Variants in IL1RAPL2 observed in about 807,000 individuals in gnomAD.
The protein encoded by IL1RAPL2 is interleukin 1 receptor accessory protein like 2, also known as X-linked interleukin-1 receptor accessory protein-like 2.
A neutral mutation model predicts 44.1 loss-of-function variants in IL1RAPL2; 3 were observed. The ratio of observed to expected loss-of-function variants is 0.07; its 90% CI spans 0.03 to 0.18. The LOEUF (loss-of-function observed/expected upper bound fraction) is 0.18, where lower values mean the gene tolerates loss of function less well. IL1RAPL2 is among the 10% of genes least tolerant of loss of function. The pLI is 1.00. For missense variants in IL1RAPL2, 391 were observed against 496.4 expected, an observed-to-expected ratio of 0.79 and a Z score of 2.02; for synonymous variants, 181 against 178.8, an observed-to-expected ratio of 1.01 and a Z score of -0.10.
Position 105,195,761 on chromosome X carries a change from T to G in IL1RAPL2, c.356+13T>G. 2 of 1,206,737 alleles carry G rather than the reference T, an allele frequency of 1.7e-6. No homozygotes were observed. Among genetic ancestry groups the G allele is most frequent in the Middle Eastern group, 4.6e-4 (2 of 4,330 alleles). ...CTTGTGTTTTAAGGTGAGTGTTGTG[T>G]GAAAACATTGCCCAATCACATGGCT... On this transcript the variant is annotated intron_variant, in intron 3 of 10. Coordinates refer to ENST00000372582, the MANE Select transcript of IL1RAPL2 (RefSeq NM_017416.2).
intron 2 of IL1RAPL2, among the ~76,000 whole-genome samples, chrX:104,870,296 A>G (rs1922726841): frequency 8.9e-6 from 1 of 112,432 alleles, no homozygotes; most frequent in African/African-American, 3.2e-5. Context: ...GAAAAACATA[A>G]TAAGCTTGTG....
intron 6 of IL1RAPL2, among the ~76,000 whole-genome samples, chrX:105,691,943 G>C (rs2147532048): frequency 9.0e-6 from 1 of 111,689 alleles, no homozygotes; most frequent in African/African-American, 3.2e-5. Flanking sequence ...AAAATGAGCA[G>C]ATCTAGAATT....
chrX:104,634,656 G>C (rs1929749459), intron 1 of IL1RAPL2, among the ~76,000 whole-genome samples: 1 of 111,152 alleles, frequency 9.0e-6, no homozygotes, highest in Non-Finnish European at 1.9e-5. Context: ...ATCAGAGCCT[G>C]GGATTGCAAC....
intron 5 of IL1RAPL2, among the ~76,000 whole-genome samples, chrX:105,337,806 G>A (rs1314412293): frequency 9.0e-6 from 1 of 110,904 alleles, no homozygotes; most frequent in Non-Finnish European, 1.9e-5. Context: ...CAGGAGAATG[G>A]TGTGAACCCA....
At chrX:104,685,820 C>A (rs1300624913) in intron 2 of IL1RAPL2, among the ~76,000 whole-genome samples, 1 of 109,384 alleles carries the variant, frequency 9.1e-6, no homozygotes, top group Non-Finnish European at 1.9e-5. Context: ...ACCAGCTACT[C>A]GGGAGGCTGA....
At chrX:105,471,250 G>T (rs1167860820) in intron 5 of IL1RAPL2, among the ~76,000 whole-genome samples, 1 of 111,626 alleles carries the variant, frequency 9.0e-6, no homozygotes, top group Non-Finnish European at 1.9e-5. Flanking sequence ...AGTCCCAGAG[G>T]AGCTTAGGAA....
chrX:105,245,486 C>T (rs978079329), intron 4 of IL1RAPL2, among the ~76,000 whole-genome samples: 1 of 112,027 alleles, frequency 8.9e-6, no homozygotes, highest in Non-Finnish European at 1.9e-5. Flanking sequence ...TATTCTCTAT[C>T]TGAACTGCAT....
At chrX:105,440,842 C>T (rs765744609) in intron 5 of IL1RAPL2, among the ~76,000 whole-genome samples, 8 of 111,130 alleles carry the variant, frequency 7.2e-5, no homozygotes, top group Non-Finnish European at 1.3e-4. Flanking sequence ...TGGTTTCCCC[C>T]ATACTGTTCT....
At chrX:104,661,525 G>A (rs1930400238) in intron 2 of IL1RAPL2, among the ~76,000 whole-genome samples, 2 of 111,054 alleles carry the variant, frequency 1.8e-5, no homozygotes, top group South Asian at 3.8e-4. Context: ...TGAAAACGAG[G>A]ATACTTTGGA....
chrX:105,403,193 C>A (rs1465350129), intron 5 of IL1RAPL2, among the ~76,000 whole-genome samples: 1 of 111,412 alleles, frequency 9.0e-6, no homozygotes. Flanking sequence ...TTCAAAGTAC[C>A]TGTTGAACTA....
At chrX:104,670,589 T>TG (rs1930576075) in intron 2 of IL1RAPL2, among the ~76,000 whole-genome samples, 1 of 110,398 alleles carries the variant, frequency 9.1e-6, no homozygotes, top group Admixed American at 9.7e-5. Context: ...AGTCATGTTT[T>TG]TTTTAAACAA....
intron 2 of IL1RAPL2, among the ~76,000 whole-genome samples, chrX:104,982,620 G>T (rs2030463154): frequency 9.0e-6 from 1 of 111,076 alleles, no homozygotes; most frequent in African/African-American, 3.3e-5. Flanking sequence ...ATACAAAACA[G>T]AAAACAAACA....
At chrX:105,750,970 A>G (rs1468151156) in intron 9 of IL1RAPL2, among the ~76,000 whole-genome samples, 2 of 111,495 alleles carry the variant, frequency 1.8e-5, no homozygotes, top group Admixed American at 1.9e-4. Context: ...TGTATTATCT[A>G]TGTAAAAGAA....
At chrX:105,102,566 A>G (rs2032684080) in intron 2 of IL1RAPL2, among the ~76,000 whole-genome samples, 1 of 112,025 alleles carries the variant, frequency 8.9e-6, no homozygotes, top group South Asian at 3.7e-4. Flanking sequence ...AATGGGCTAC[A>G]TGTTAGGGCA....
intron 2 of IL1RAPL2, among the ~76,000 whole-genome samples, chrX:105,003,669 G>A (rs967644010): frequency 5.4e-5 from 6 of 110,499 alleles, no homozygotes; most frequent in Non-Finnish European, 1.1e-4. Flanking sequence ...GTGGGAGAAG[G>A]AGACTTTTTT....
intron 1 of IL1RAPL2, among the ~76,000 whole-genome samples, chrX:104,580,079 C>G (rs1186939401): frequency 2.7e-5 from 3 of 111,608 alleles, no homozygotes; most frequent in Non-Finnish European, 5.6e-5. Context: ...CCACAAAATA[C>G]CAAGAGGAAA....
chrX:104,955,002 C>T (rs1252885759), intron 2 of IL1RAPL2, among the ~76,000 whole-genome samples: 1 of 112,540 alleles, frequency 8.9e-6, no homozygotes, highest in African/African-American at 3.2e-5. Flanking sequence ...ATATTTACAG[C>T]CAGTTTTAAT....
chrX:104,782,235 GGGGCAACT>G (rs1932778778), intron 2 of IL1RAPL2, among the ~76,000 whole-genome samples: 1 of 111,305 alleles, frequency 9.0e-6, no homozygotes, highest in Admixed American at 9.6e-5. Flanking sequence ...CAAATTTTAA[GGGGCAACT>G]GGTAGTCCAC....
intron 2 of IL1RAPL2, among the ~76,000 whole-genome samples, chrX:104,914,986 TC>T (rs1924369800): frequency 8.9e-6 from 1 of 111,893 alleles, no homozygotes; most frequent in Non-Finnish European, 1.9e-5. Flanking sequence ...TTGGGTTGGT[TC>T]CAAGTCTTTG....
Sources: gnomAD v4.1 joint callset for allele counts (sites outside exome capture counted in the v4.1 genomes callset) on GRCh38, gnomAD v4.1.1 for gene constraint, MANE v1.5 for transcripts, NCBI Gene and HGNC (gene_info 2026-07-23, HGNC 2026-07-21) for gene names.